Variants in TNIK observed in about 807,000 individuals in gnomAD.
The protein encoded by TNIK is TRAF2 and NCK interacting kinase.
Under a neutral mutation model 191.3 loss-of-function variants are expected in TNIK, and 49 were observed. That is an observed-to-expected ratio of 0.26 (90% CI 0.20 to 0.32). TNIK has a LOEUF of 0.32. TNIK is among the 10% of genes least tolerant of loss of function. The probability of loss-of-function intolerance (pLI) is 1.00; values close to 1 mark genes in which losing one functional copy is unlikely to be tolerated. For missense variants in TNIK, 1,155 were observed against 1,702.3 expected (o/e 0.68, Z 5.66); for synonymous variants, 594 against 600.9 (o/e 0.99, Z 0.17).
Position 171,159,274 on chromosome 3 carries a change from G to C in TNIK, c.1017-1610C>G, listed in dbSNP as rs1733655063. Among the ~76,000 whole-genome samples the C allele has an allele frequency of 6.6e-6, 1 of 151,960 alleles. No individual in the cohort carries two copies. Among genetic ancestry groups the C allele is most frequent in the Non-Finnish European group, 1.5e-5 (1 of 68,002 alleles). ...TGGACAGATCTGACATGTGGAGTGA[G>C]GGATGACTTGCAGGTTCTGTCTTGG... On this transcript the variant is annotated intron_variant, in intron 11 of 32. Coordinates refer to ENST00000436636, the MANE Select transcript of TNIK (RefSeq NM_015028.4). This position sits in a 1 kb window ranked among gnomAD's most constrained non-coding sequence, Gnocchi z 4.1.
At chr3:171,209,064 GGTGTGTGTGTGTGTGTGTGTGTGT>G (rs61264225) in intron 4 of TNIK, among the ~76,000 whole-genome samples, 3 of 142,016 alleles carry the variant, frequency 2.1e-5, no homozygotes, top group Non-Finnish European at 4.6e-5. Flanking sequence ...CTTTGGAAGG[GGTGTGTGTGTGTGTGTGTGTGTGT>G]GTGTGTGTGT....
At chr3:171,188,214 A>G (rs1737606980) in intron 7 of TNIK, among the ~76,000 whole-genome samples, 1 of 152,234 alleles carries the variant, frequency 6.6e-6, no homozygotes, top group African/African-American at 2.4e-5. Flanking sequence ...ACCATAAAGT[A>G]GTCACCAATA....
intron 1 of TNIK, among the ~76,000 whole-genome samples, chr3:171,376,754 A>AGATAGATAGATAGATAGATAGAT (rs1717296306): frequency 1.4e-5 from 2 of 141,124 alleles, no homozygotes; most frequent in African/African-American, 5.1e-5. Context: ...GATGATAGAT[A>AGATAGATAGATAGATAGATAGAT]GATAGATAGA....
At chr3:171,459,920 G>GCCCCCCCCCCCCCCCCCCCGCCCCCC in intron 1 of TNIK, 87 bp downstream of exon 1, 1 of 1,157,390 alleles carries the variant, frequency 8.6e-7, no homozygotes, top group Non-Finnish European at 1.2e-6. Context: ...CTGTCCCCCT[G>GCCCCCCCCCCCCCCCCCCCGCCCCCC]CCCCAGCCCC....
At chr3:171,259,328 G>A (rs948568377) in intron 2 of TNIK, among the ~76,000 whole-genome samples, 3 of 152,110 alleles carry the variant, frequency 2.0e-5, no homozygotes, top group Non-Finnish European at 4.4e-5. Flanking sequence ...ACGCACCCAC[G>A]GCTGATGGGA....
chr3:171,156,475 T>C (rs1055578550), intron 12 of TNIK, among the ~76,000 whole-genome samples: 3 of 152,198 alleles, frequency 2.0e-5, no homozygotes, highest in Non-Finnish European at 4.4e-5. Context: ...GGGAAACCTG[T>C]AAAATTACTA....
chr3:171,280,690 A>T (rs948162631), intron 2 of TNIK, among the ~76,000 whole-genome samples: 1 of 152,036 alleles, frequency 6.6e-6, no homozygotes, highest in Non-Finnish European at 1.5e-5. Flanking sequence ...ATGATCTTTC[A>T]GAGATAAACC....
At chr3:171,357,252 A>G (rs567634486) in intron 2 of TNIK, among the ~76,000 whole-genome samples, 3 of 151,966 alleles carry the variant, frequency 2.0e-5, no homozygotes, top group African/African-American at 7.2e-5. Context: ...AAACCTAAAC[A>G]TATCTCACTG....
At chr3:171,122,239 G>A (rs775245118) in intron 18 of TNIK, among the ~76,000 whole-genome samples, 3 of 152,164 alleles carry the variant, frequency 2.0e-5, no homozygotes, top group East Asian at 1.9e-4. Context: ...CTAAGCAACC[G>A]ATCCAATGAA....
intron 4 of TNIK, among the ~76,000 whole-genome samples, chr3:171,200,544 C>T (rs1739279311): frequency 6.6e-6 from 1 of 151,888 alleles, no homozygotes; most frequent in African/African-American, 2.4e-5. Flanking sequence ...TCAGGGGTTA[C>T]TTAGTATGCC....
chr3:171,291,864 A>G (rs973977573), intron 2 of TNIK, among the ~76,000 whole-genome samples: 4 of 152,180 alleles, frequency 2.6e-5, no homozygotes, highest in African/African-American at 7.2e-5. Flanking sequence ...CCTTAAACAC[A>G]TACTAGGCTT....
At chr3:171,395,792 T>C (rs1015844289) in intron 1 of TNIK, among the ~76,000 whole-genome samples, 37 of 152,146 alleles carry the variant, frequency 2.4e-4, no homozygotes, top group Admixed American at 1.8e-3. Flanking sequence ...ACCACCCTGC[T>C]TAGGAAACTT....
At chr3:171,168,598 T>C (rs774729021) in intron 9 of TNIK, among the ~76,000 whole-genome samples, 1 of 152,210 alleles carries the variant, frequency 6.6e-6, no homozygotes, top group African/African-American at 2.4e-5. Flanking sequence ...TTTTCCGCTC[T>C]AAATTTCTAA....
In TNIK at chr3:171,190,761, T is replaced by C. The variant is rs1410519294; in HGVS notation, c.444A>G (p.Lys148=). 3.8e-6 allele frequency: 6 copies of C among 1,595,610 alleles called. No individual in the cohort carries two copies. The highest frequency in any genetic ancestry group is 1.3e-5 in the African/African-American group (1 of 74,900). ...GCCCTTTAATATCTCGATGAATCAC[T>C]TTATGCTGGTGCAGGTGACTCAGCC... The part of the protein sequence containing the change: ...LRGLSHLHQH[K]VIHRDIKGQN... The change falls in exon 6 of 33, where the codon AAA becomes AAG. Residue 148 remains lysine (K), a synonymous_variant. Transcript: ENST00000436636.
intron 28 of TNIK, among the ~76,000 whole-genome samples, chr3:171,077,602 A>G (rs1339601613): frequency 1.3e-5 from 2 of 152,178 alleles, no homozygotes; most frequent in Non-Finnish European, 1.5e-5. Context: ...TCTTGAGCCT[A>G]CCAGTGCTCA....
At chr3:171,370,883 A>C (rs1231580390) in intron 1 of TNIK, among the ~76,000 whole-genome samples, 1 of 152,186 alleles carries the variant, frequency 6.6e-6, no homozygotes, top group Non-Finnish European at 1.5e-5. Flanking sequence ...ATAAAAATAG[A>C]CTGCGCCTTT....
At chr3:171,371,367 A>T (rs190858345) in intron 1 of TNIK, among the ~76,000 whole-genome samples, 57 of 152,334 alleles carry the variant, frequency 3.7e-4, no homozygotes, top group African/African-American at 1.3e-3. Context: ...CAAAGATTCC[A>T]CACAGAGAAC....
chr3:171,164,448 A>T (rs1734367307), intron 10 of TNIK, among the ~76,000 whole-genome samples: 1 of 152,236 alleles, frequency 6.6e-6, no homozygotes, highest in Non-Finnish European at 1.5e-5. Flanking sequence ...CCTGGACATT[A>T]TGTCAAGCAT....
intron 2 of TNIK, among the ~76,000 whole-genome samples, chr3:171,259,739 C>T (rs1487645052): frequency 2.6e-5 from 4 of 152,102 alleles, no homozygotes; most frequent in Non-Finnish European, 5.9e-5. Context: ...AAGCCAGGCA[C>T]CCTTTATAAT....
Sources: gnomAD v4.1 joint callset for allele counts (sites outside exome capture counted in the v4.1 genomes callset) on GRCh38, gnomAD v4.1.1 for gene constraint, Gnocchi (gnomAD v3.1) non-coding constraint, MANE v1.5 for transcripts, NCBI Gene and HGNC (gene_info 2026-07-23, HGNC 2026-07-21) for gene names.